Variants in DRC9 observed in about 807,000 individuals in gnomAD.
DRC9 encodes the protein dynein regulatory complex subunit 9.
the DRC9 span, chr3:197,957,463 T>G: frequency 3.9e-5 from 6 of 153,832 alleles, no homozygotes; most frequent in Non-Finnish European, 8.6e-5. Flanking sequence ...TGGTGGTTTT[T>G]TTTTTTTTTT....
chr3:197,932,153 T>G, the DRC9 span: 1 of 1,605,548 alleles, frequency 6.2e-7, no homozygotes, highest in Non-Finnish European at 8.5e-7. Context: ...GCAAAGCAAG[T>G]AAACCTAACA....
At chr3:197,914,084 T>C in the DRC9 span, 5 of 1,539,404 alleles carry the variant, frequency 3.2e-6, no homozygotes, top group Non-Finnish European at 4.5e-6. Flanking sequence ...AAATACATTC[T>C]ACCTCCATTC....
At chr3:197,919,487 C>G in the DRC9 span, among the ~76,000 whole-genome samples, 1 of 152,170 alleles carries the variant, frequency 6.6e-6, no homozygotes, top group East Asian at 1.9e-4. Context: ...GTGTCGGGAA[C>G]CTTCCTCGTG....
the DRC9 span, among the ~76,000 whole-genome samples, chr3:197,928,338 C>T: frequency 1.4e-5 from 2 of 144,152 alleles, no homozygotes; most frequent in African/African-American, 5.5e-5. Context: ...ATTTCTGTTC[C>T]CTCTTTTTTT....
chr3:197,913,561 C>A, the DRC9 span: 1,209 of 485,468 alleles, frequency 2.5e-3, 4 homozygotes, highest in Non-Finnish European at 4.1e-3. Context: ...TAACTAAGCA[C>A]CTCGTTTTGC....
At chr3:197,922,169 C>G in the DRC9 span, among the ~76,000 whole-genome samples, 1 of 152,088 alleles carries the variant, frequency 6.6e-6, no homozygotes, top group African/African-American at 2.4e-5. Flanking sequence ...GGTTTCTTAA[C>G]CTATTTTTTT....
the DRC9 span, among the ~76,000 whole-genome samples, chr3:197,930,229 C>T: frequency 6.6e-6 from 1 of 151,632 alleles, no homozygotes; most frequent in East Asian, 1.9e-4. Context: ...TGCCTGGGTC[C>T]CCAGCGACTT....
chr3:197,943,900 C>G, the DRC9 span: 1 of 1,614,166 alleles, frequency 6.2e-7, no homozygotes, highest in Non-Finnish European at 8.5e-7. Context: ...GACAGTGGCT[C>G]TAGAGTTTCC....
the DRC9 span, among the ~76,000 whole-genome samples, chr3:197,895,383 T>C: frequency 6.6e-6 from 1 of 152,120 alleles, no homozygotes; most frequent in Non-Finnish European, 1.5e-5. Context: ...CATCCTCCCA[T>C]CTCAGCCTTC....
chr3:197,948,391 G>A, the DRC9 span, among the ~76,000 whole-genome samples: 1 of 152,318 alleles, frequency 6.6e-6, no homozygotes, highest in Admixed American at 6.5e-5. Context: ...TTCCCGCAGA[G>A]CTGTGTTCAC....
At chr3:197,895,360 C>T in the DRC9 span, among the ~76,000 whole-genome samples, 1 of 152,190 alleles carries the variant, frequency 6.6e-6, no homozygotes, top group Non-Finnish European at 1.5e-5. Flanking sequence ...GCCTCCACCT[C>T]CAGGGCTCAA....
chr3:197,933,922 C>T, the DRC9 span, among the ~76,000 whole-genome samples: 11 of 146,738 alleles, frequency 7.5e-5, no homozygotes, highest in East Asian at 1.2e-3. Flanking sequence ...GCGACTCTCC[C>T]GCCTTAGCCT....
At chr3:197,933,458 C>CA in the DRC9 span, among the ~76,000 whole-genome samples, 1 of 151,584 alleles carries the variant, frequency 6.6e-6, no homozygotes, top group African/African-American at 2.4e-5. Flanking sequence ...ACACAAAAAA[C>CA]AAAAAAACCG....
the DRC9 span, chr3:197,954,568 G>A: frequency 3.5e-6 from 1 of 285,762 alleles, no homozygotes; most frequent in Non-Finnish European, 6.8e-6. Flanking sequence ...GGAGTGCAGT[G>A]GCATGATCTC....
At chr3:197,944,222 C>A in the DRC9 span, among the ~76,000 whole-genome samples, 1 of 151,468 alleles carries the variant, frequency 6.6e-6, no homozygotes, top group African/African-American at 2.4e-5. Context: ...AAGTATCTTC[C>A]ATTTTGACCA....
the DRC9 span, among the ~76,000 whole-genome samples, chr3:197,940,586 C>T: frequency 3.9e-5 from 6 of 152,040 alleles, no homozygotes; most frequent in African/African-American, 1.2e-4. Flanking sequence ...TTCCTCTCAA[C>T]GTTGTTAAAA....
chr3:197,893,313 C>T, the DRC9 span, among the ~76,000 whole-genome samples: 3 of 134,580 alleles, frequency 2.2e-5, no homozygotes, highest in South Asian at 2.3e-4. Flanking sequence ...GCCCAGATCG[C>T]GCCATTGCAC....
At chr3:197,946,624 T>C in the DRC9 span, among the ~76,000 whole-genome samples, 2 of 152,084 alleles carry the variant, frequency 1.3e-5, no homozygotes, top group South Asian at 2.1e-4. Context: ...CAATGTAAAT[T>C]TGTCCACAAT....
the DRC9 span, among the ~76,000 whole-genome samples, chr3:197,895,202 G>C: frequency 1.3e-5 from 2 of 152,098 alleles, no homozygotes; most frequent in Admixed American, 1.3e-4. Flanking sequence ...GCTCCAGACA[G>C]GCAAAAAGGT....
Sources: allele counts gnomAD v4.1 joint callset (sites outside exome capture counted in the v4.1 genomes callset), GRCh38; gene constraint gnomAD v4.1.1; transcripts MANE v1.5; gene names NCBI Gene and HGNC (gene_info 2026-07-23, HGNC 2026-07-21).